RBM33: variants seen among roughly 807,000 people sequenced by gnomAD.
The protein encoded by RBM33 is RNA binding motif protein 33, also known as RNA-binding protein 33.
RBM33 carries 28 observed loss-of-function variants against 132.6 expected under a neutral mutation model. That is an observed-to-expected ratio of 0.21 (90% confidence interval 0.16 to 0.29). RBM33 has a LOEUF of 0.29. Among genes scored for constraint, RBM33 ranks in the 10% least tolerant of loss-of-function variants. The probability of loss-of-function intolerance (pLI) is 1.00; values close to 1 mark genes in which losing one functional copy is unlikely to be tolerated. For synonymous variants in RBM33, 634 were observed against 593.0 expected, an observed-to-expected ratio of 1.07 and a Z score of -1.01; for missense variants, 1,291 against 1,518.5, an observed-to-expected ratio of 0.85 and a Z score of 2.49.
chr7:155,664,315 G>A (rs1283995960), intron 1 of RBM33, among the ~76,000 whole-genome samples: 1 of 151,808 alleles, frequency 6.6e-6, no homozygotes, highest in Non-Finnish European at 1.5e-5. Flanking sequence ...GTGCAGTGGC[G>A]CGATCTCCGC....
Position 155,742,760 on chromosome 7 carries a change from C to T in RBM33, c.2337+654C>T, listed in dbSNP as rs1330423042. Among the ~76,000 whole-genome samples, 8 of 152,334 alleles carry T rather than the reference C, an allele frequency of 5.3e-5. No individual in the cohort carries two copies. In the South Asian group the frequency reaches 8.3e-4, roughly 16 times the overall value. On this transcript the variant is annotated intron_variant, in intron 13 of 17. Transcript: ENST00000401878. ...AGGCACAGAATGTAGTGAGTGTGAA[C>T]AATCAATGCAGCTCAGTCTTTACCT... is the stretch of plus-strand genomic sequence containing the variant.
intron 15 of RBM33, among the ~76,000 whole-genome samples, chr7:155,766,165 C>T (rs1013928225): frequency 2.0e-5 from 3 of 151,820 alleles, no homozygotes; most frequent in African/African-American, 7.3e-5. Context: ...CTGACGGGTG[C>T]CTGATCTACA....
chr7:155,680,206 T>G (rs1440984213), intron 4 of RBM33, among the ~76,000 whole-genome samples: 1 of 152,262 alleles, frequency 6.6e-6, no homozygotes, highest in Non-Finnish European at 1.5e-5. Flanking sequence ...TTTCTGTCTA[T>G]TTCATTTTGT....
At chr7:155,703,212 A>T (rs1800017554) in intron 6 of RBM33, among the ~76,000 whole-genome samples, 1 of 152,082 alleles carries the variant, frequency 6.6e-6, no homozygotes, top group African/African-American at 2.4e-5. Flanking sequence ...TTTTCTTTCC[A>T]AGGTCATTGA....
At position 155,769,210 on chromosome 7, in the gene RBM33, A is replaced by AT. The variant is rs892563691; in HGVS notation, c.3375+2565dup. ...GAACTTGATTCTTCGAAGACTAGAT[A>AT]TTTTTTTTTTCTGTCTACTCATAAA... On this transcript the variant is annotated intron_variant, in intron 16 of 17. Coordinates refer to ENST00000401878, the MANE Select transcript of RBM33 (RefSeq NM_053043.3). Among the ~76,000 whole-genome samples the AT allele has an allele frequency of 1.5e-3, 220 of 150,732 alleles. 4 individuals carry two copies. Among genetic ancestry groups the AT allele is most frequent in the African/African-American group, 5.0e-3 (205 of 41,106 alleles).
intron 14 of RBM33, among the ~76,000 whole-genome samples, chr7:155,752,122 C>T (rs1476646984): frequency 6.6e-6 from 1 of 152,200 alleles, no homozygotes; most frequent in African/African-American, 2.4e-5. Flanking sequence ...TGCCATTACT[C>T]TTGGAACATG....
intron 3 of RBM33, among the ~76,000 whole-genome samples, chr7:155,673,940 GTTTTTTT>G (rs71186053): frequency 0.014 from 763 of 53,902 alleles, 24 homozygotes; most frequent in African/African-American, 0.053. Context: ...TTTAGGCTTA[GTTTTTTT>G]TTTTTTTTTT....
chr7:155,754,164 T>C (rs904316912), intron 14 of RBM33, among the ~76,000 whole-genome samples: 4 of 152,190 alleles, frequency 2.6e-5, no homozygotes, highest in Admixed American at 1.3e-4. Flanking sequence ...TAATTTATGA[T>C]TTTTTTAGGG....
In RBM33 at chr7:155,739,907, G is replaced by A. The variant is rs1351211964; in HGVS notation, c.1930G>A (p.Val644Ile). ...QHHHHHHHLS[V>I]PPPPLMPMSQ... ...CCACCACCACCACCACCACCTGTCC[G>A]TCCCGCCCCCTCCTTTGATGCCGAT... The change falls in exon 12 of 18, where the codon GTC becomes ATC. Residue 644 changes from valine (V) to isoleucine (I), a missense_variant. Val to Ile is a conservative substitution (Grantham distance 29, BLOSUM62 3). Transcript: ENST00000401878. 19 of 1,540,368 alleles carry A rather than the reference G, an allele frequency of 1.2e-5. No homozygotes were observed. Among genetic ancestry groups the A allele is most frequent in the African/African-American group, 2.8e-5 (2 of 70,442 alleles).
At chr7:155,737,353 C>CTGTGTGTGTGTGTGTGTGTGTGTGTG (rs59512454) in intron 9 of RBM33, among the ~76,000 whole-genome samples, 177 bp from the exon 10 acceptor site, 5 of 142,838 alleles carry the variant, frequency 3.5e-5, no homozygotes, top group Admixed American at 2.1e-4. Context: ...ATGCATGACT[C>CTGTGTGTGTGTGTGTGTGTGTGTGTG]TGTGTGTGTG....
At chr7:155,680,537 T>G in intron 4 of RBM33, 53 bp from the exon 5 acceptor site, 1 of 1,261,686 alleles carries the variant, frequency 7.9e-7, no homozygotes, top group Non-Finnish European at 1.1e-6. Context: ...ATGATTTAGT[T>G]TGAGCTCCTC....
At chr7:155,693,564 CT>C (rs1201534524) in intron 5 of RBM33, among the ~76,000 whole-genome samples, 1 of 151,916 alleles carries the variant, frequency 6.6e-6, no homozygotes, top group Non-Finnish European at 1.5e-5. Context: ...CGTATATTTA[CT>C]TTTTTTATCC....
intron 5 of RBM33, 62 bp from the exon 6 acceptor site, chr7:155,700,711 T>C: frequency 1.7e-6 from 2 of 1,164,790 alleles, no homozygotes; most frequent in Non-Finnish European, 2.4e-6. Context: ...CATTCTTTAA[T>C]ATTTAATTCA....
At chr7:155,773,294 G>A (rs555125867) in intron 16 of RBM33, among the ~76,000 whole-genome samples, 10 of 152,256 alleles carry the variant, frequency 6.6e-5, no homozygotes, top group African/African-American at 2.4e-4. Context: ...CACCAGGTGC[G>A]GTGGCTCATG....
At chr7:155,707,812 A>G (rs1390491767) in intron 7 of RBM33, among the ~76,000 whole-genome samples, 4 of 152,108 alleles carry the variant, frequency 2.6e-5, no homozygotes, top group Admixed American at 2.0e-4. Context: ...ACTTACCACC[A>G]CACCCAGTTA....
chr7:155,700,743 C>G, intron 5 of RBM33, 30 bp from the exon 6 acceptor site: 4 of 1,486,508 alleles, frequency 2.7e-6, no homozygotes, highest in Non-Finnish European at 2.7e-6. Context: ...ACTTACTGTC[C>G]TTTTTTTGCC....
chr7:155,776,428 A>G lies in RBM33; in HGVS notation c.*1387A>G, dbSNP rs1166833292. 6.6e-6 allele frequency: 1 copy of G among 152,224 alleles called. No individual in the cohort carries two copies. Among genetic ancestry groups the G allele is most frequent in the Non-Finnish European group, 1.5e-5 (1 of 68,036 alleles). The allele number at this position is 152,224 out of a possible 1,614,324, so 9.4% of individuals were successfully genotyped here. ...CTAGGGCTCTCAGCCTCCTAGAAGG[A>G]AGGGACTAAGGAGACGGGCACAGAC... On this transcript the variant is annotated 3_prime_UTR_variant, in exon 18 of 18. Transcript: ENST00000401878. This position sits in a 1 kb window ranked among gnomAD's most constrained non-coding sequence, Gnocchi z 4.0.
chr7:155,738,222 A>C lies in RBM33; in HGVS notation c.1556A>C (p.Gln519Pro), dbSNP rs752349109. 2 of 1,614,030 alleles carry C rather than the reference A, an allele frequency of 1.2e-6. No individual in the cohort carries two copies. The highest frequency in any genetic ancestry group is 3.3e-5 in the Admixed American group (2 of 60,020). ...CCAGCATTTAATCAGCAAGGACAGC[A>C]GCCAGTGTTCCCAAGAGAGCGGCCC... The part of the protein sequence containing the change: ...PGPAFNQQGQ[Q>P]PVFPRERPVR... The change falls in exon 11 of 18, where the codon CAG becomes CCG. Residue 519 changes from glutamine to proline, a missense_variant. Transcript: ENST00000401878.
Position 155,738,252 on chromosome 7 carries a change from G to A in RBM33, c.1586G>A (p.Arg529Gln), listed in dbSNP as rs1463011663. 5 of 1,613,810 alleles carry A rather than the reference G, an allele frequency of 3.1e-6. No individual in the cohort carries two copies. Among genetic ancestry groups the A allele is most frequent in the Admixed American group, 3.3e-5 (2 of 59,988 alleles). The change falls in exon 11 of 18, where the codon CGA becomes CAA. Residue 529 changes from arginine (R) to glutamine (Q), a missense_variant. By Grantham distance (43) the Arg-to-Gln change is conservative. Around this residue, in one of 7 missense-constraint regions of RBM33, gnomAD observed 841 missense variants for 912.0 expected, o/e 0.92. Transcript: ENST00000401878. ...QPVFPRERPVRPALQPPGPVG... is the reference protein window; with the variant it reads ...QPVFPRERPVQPALQPPGPVG... The stretch of plus-strand genomic sequence containing the variant: ...GTGTTCCCAAGAGAGCGGCCCGTAC[G>A]ACCAGCCTTGCAGCCTCCAGGTCCG...
Sources: allele counts gnomAD v4.1 joint callset (sites outside exome capture counted in the v4.1 genomes callset), GRCh38; gene constraint gnomAD v4.1.1; regional missense constraint gnomAD v4.1.1; non-coding constraint Gnocchi (gnomAD v3.1); transcripts MANE v1.5; gene names NCBI Gene and HGNC (gene_info 2026-07-23, HGNC 2026-07-21).